The following GALNT13 variants were observed in gnomAD, a reference collection of about 807,000 sequenced individuals.
The protein encoded by GALNT13 is UDP-GalNAc:polypeptide N-acetylgalactosaminyltransferase 13.
GALNT13 carries 28 observed loss-of-function variants against 64.2 expected under a neutral mutation model. The observed-to-expected ratio is 0.44, with a 90% CI of 0.32 to 0.60. The LOEUF is 0.60. Ranked by LOEUF, GALNT13 falls within the 20% of genes least tolerant of loss-of-function variation. GALNT13 has a pLI of 0.05. For missense variants in GALNT13, 577 were observed against 669.8 expected (o/e 0.86, Z 1.53); for synonymous variants, 214 against 224.6 (o/e 0.95, Z 0.42).
chr2:153,813,222 G>A, the GALNT13 span, among the ~76,000 whole-genome samples: 1 of 152,172 alleles, frequency 6.6e-6, no homozygotes, highest in Non-Finnish European at 1.5e-5. Context: ...CTGAGGTGGA[G>A]GTAGGGGTTT....
chr2:154,152,121 G>A (rs955920707), intron 4 of GALNT13, among the ~76,000 whole-genome samples: 3 of 152,130 alleles, frequency 2.0e-5, no homozygotes, highest in Non-Finnish European at 4.4e-5. Flanking sequence ...TTTAGGGCAG[G>A]CCTGGTGGTG....
the GALNT13 span, among the ~76,000 whole-genome samples, chr2:153,090,836 G>T: frequency 1.3e-5 from 2 of 151,620 alleles, no homozygotes; most frequent in African/African-American, 2.4e-5. Context: ...GGCCAATGGT[G>T]TTAGTTCCGT....
At chr2:153,730,241 G>C in the GALNT13 span, among the ~76,000 whole-genome samples, 1 of 151,968 alleles carries the variant, frequency 6.6e-6, no homozygotes, top group Non-Finnish European at 1.5e-5. Flanking sequence ...TTTAAAAATA[G>C]ATACATAGAT....
the GALNT13 span, among the ~76,000 whole-genome samples, chr2:153,793,399 A>G: frequency 0.2 from 29,642 of 151,942 alleles, 4,389 homozygotes; most frequent in African/African-American, 0.41. Flanking sequence ...TCTCTTTACA[A>G]TCCAAACCCA....
chr2:154,417,627 C>T (rs940890328), intron 11 of GALNT13, among the ~76,000 whole-genome samples: 3 of 151,554 alleles, frequency 2.0e-5, no homozygotes, highest in African/African-American at 7.3e-5. Flanking sequence ...TCTCCTACCT[C>T]AGCCCCCCCG....
chr2:153,314,783 G>C, the GALNT13 span, among the ~76,000 whole-genome samples: 2 of 151,636 alleles, frequency 1.3e-5, no homozygotes, highest in African/African-American at 4.8e-5. Context: ...GCAGTGCTTA[G>C]AGGGAAATTT....
intron 1 of GALNT13, among the ~76,000 whole-genome samples, chr2:153,890,928 A>G (rs1687509925): frequency 6.6e-6 from 1 of 152,000 alleles, no homozygotes; most frequent in African/African-American, 2.4e-5. Context: ...TCCCCTTGAA[A>G]TGGAGCTAAT....
intron 9 of GALNT13, among the ~76,000 whole-genome samples, chr2:154,362,689 A>G (rs1697143161): frequency 6.6e-6 from 1 of 152,180 alleles, no homozygotes; most frequent in Admixed American, 6.5e-5. Flanking sequence ...TGAGCTAAAA[A>G]AACTGGTCAT....
chr2:153,422,074 A>G, the GALNT13 span: 1 of 152,342 alleles, frequency 6.6e-6, no homozygotes, highest in East Asian at 1.9e-4. Context: ...TTTTTAAAAA[A>G]AAAGGCATAA....
chr2:153,759,452 G>A, the GALNT13 span, among the ~76,000 whole-genome samples: 5 of 152,054 alleles, frequency 3.3e-5, no homozygotes, highest in African/African-American at 1.2e-4. Flanking sequence ...GTCATGCATG[G>A]CTTTCATTGT....
At chr2:153,534,526 CT>C in the GALNT13 span, among the ~76,000 whole-genome samples, 142 of 138,660 alleles carry the variant, frequency 1.0e-3, no homozygotes, top group Middle Eastern at 3.7e-3. Context: ...TTCTTTCTTT[CT>C]TTTTTTTTTT....
the GALNT13 span, among the ~76,000 whole-genome samples, chr2:153,205,813 A>G: frequency 6.6e-6 from 1 of 152,056 alleles, no homozygotes; most frequent in South Asian, 2.1e-4. Flanking sequence ...CTTGTGCAAA[A>G]CTGGCTTTGT....
At chr2:153,235,710 G>T in the GALNT13 span, among the ~76,000 whole-genome samples, 12 of 152,184 alleles carry the variant, frequency 7.9e-5, no homozygotes, top group Admixed American at 6.5e-4. Flanking sequence ...CCCAGGATGT[G>T]GTTTGTGCAC....
the GALNT13 span, among the ~76,000 whole-genome samples, chr2:153,492,996 G>C: frequency 6.6e-6 from 1 of 151,964 alleles, no homozygotes; most frequent in Non-Finnish European, 1.5e-5. Flanking sequence ...ATGATAATGT[G>C]AAAACAATAT....
the GALNT13 span, among the ~76,000 whole-genome samples, chr2:153,140,780 A>G: frequency 2.0e-5 from 3 of 152,066 alleles, no homozygotes; most frequent in Non-Finnish European, 4.4e-5. Flanking sequence ...ATTTTCATTG[A>G]ATTCACCGAA....
the GALNT13 span, among the ~76,000 whole-genome samples, chr2:153,704,916 T>G: frequency 6.6e-6 from 1 of 152,202 alleles, no homozygotes; most frequent in Non-Finnish European, 1.5e-5. Context: ...TTAGATGCAC[T>G]CCTCAGTCGT....
intron 9 of GALNT13, among the ~76,000 whole-genome samples, chr2:154,371,114 G>T (rs1341296600): frequency 6.6e-6 from 1 of 152,116 alleles, no homozygotes; most frequent in African/African-American, 2.4e-5. Flanking sequence ...GGAGGAATTG[G>T]TGACTTAGAG....
chr2:153,753,419 G>A, the GALNT13 span, among the ~76,000 whole-genome samples: 1 of 152,122 alleles, frequency 6.6e-6, no homozygotes. Flanking sequence ...GAAATGACTT[G>A]AGTTTTGTGA....
Position 154,140,328 on chromosome 2 carries a change from G to A in GALNT13, c.143-9G>A. 6.2e-7 allele frequency: 1 copy of A among 1,607,738 alleles called. No individual in the cohort carries two copies. The highest frequency in any genetic ancestry group is 8.5e-7 in the Non-Finnish European group (1 of 1,174,792). ...TGTATGTATGTCTGTATCTCTGTAT[G>A]TCTTACAGCTGTTATTTCAAGAAAC... is the stretch of plus-strand genomic sequence containing the variant. On this transcript the variant is annotated splice_polypyrimidine_tract_variant and intron_variant, in intron 3 of 12. Transcript: ENST00000392825.
Sources: gnomAD v4.1 joint callset for allele counts (sites outside exome capture counted in the v4.1 genomes callset) on GRCh38, gnomAD v4.1.1 for gene constraint, MANE v1.5 for transcripts, NCBI Gene and HGNC (gene_info 2026-07-23, HGNC 2026-07-21) for gene names.